The following CAPN8 variants were observed in gnomAD, a reference collection of about 807,000 sequenced individuals.
The protein encoded by CAPN8 is calpain-8.
CAPN8 carries 87 observed loss-of-function variants against 80.9 expected under a neutral mutation model. That is an observed-to-expected ratio of 1.07 (90% CI 0.90 to 1.28). The LOEUF (loss-of-function observed/expected upper bound fraction) is 1.28, where lower values mean the gene tolerates loss of function less well. Among genes scored for constraint, CAPN8 ranks in the 50% most tolerant of loss-of-function variants. The probability of loss-of-function intolerance (pLI) is 0.00; values close to 1 mark genes in which losing one functional copy is unlikely to be tolerated. For missense variants in CAPN8, 757 were observed against 702.0 expected, an observed-to-expected ratio of 1.08 and a Z score of -0.89; for synonymous variants, 299 against 273.8, an observed-to-expected ratio of 1.09 and a Z score of -0.91.
At chr1:223,618,130 C>T in intron 9 of CAPN8, 1 of 1,217,936 alleles carries the variant, frequency 8.2e-7, no homozygotes, top group East Asian at 2.5e-5. Flanking sequence ...ATCAACAGAT[C>T]AACAGCAAAC....
At chr1:223,610,103 A>T (rs1202891675) in intron 11 of CAPN8, among the ~76,000 whole-genome samples, 1 of 152,330 alleles carries the variant, frequency 6.6e-6, no homozygotes, top group African/African-American at 2.4e-5. Context: ...TATTGCTGTA[A>T]TTAAGCCTCC....
chr1:223,621,679 C>T (rs1657396934), intron 7 of CAPN8, among the ~76,000 whole-genome samples: 1 of 152,012 alleles, frequency 6.6e-6, no homozygotes, highest in Non-Finnish European at 1.5e-5. Flanking sequence ...AGTTACTGCC[C>T]CTCTGCGTGG....
At chr1:223,544,735 T>G in intron 18 of CAPN8, 37 bp downstream of exon 18, 1 of 1,551,034 alleles carries the variant, frequency 6.4e-7, no homozygotes. Flanking sequence ...TGTGCACACC[T>G]GGATCCCAAG....
At chr1:223,653,248 C>A (rs923714172) in intron 2 of CAPN8, among the ~76,000 whole-genome samples, 1 of 151,302 alleles carries the variant, frequency 6.6e-6, no homozygotes, top group African/African-American at 2.4e-5. Flanking sequence ...GGTGCGGCAC[C>A]CCGAATCGTT....
At chr1:223,646,669 G>A (rs1658202764) in intron 2 of CAPN8, among the ~76,000 whole-genome samples, 1 of 152,188 alleles carries the variant, frequency 6.6e-6, no homozygotes, top group Non-Finnish European at 1.5e-5. Flanking sequence ...ACTAATGGCT[G>A]AGGCGGGACA....
rs182699599 is a variant in CAPN8 at position 223,616,179 on chromosome 1, G to A, written c.1136-34C>T. The A allele has an allele frequency of 2.0e-4, 300 of 1,531,570 alleles. 8 individuals carry two copies. Among genetic ancestry groups the A allele is most frequent in the East Asian group, 1.9e-3 (78 of 40,568 alleles). The allele number at this position is 1,531,570 out of a possible 1,614,324, so 94.9% of individuals were successfully genotyped here. A position where few individuals can be genotyped will look rare whatever the true frequency, so the allele number is the denominator to read the frequency against. ...CACCCAGGTGATGGTGGTTCCCCAC[G>A]TAGCGGGTGAGGAGATGAAGAAGAA... On this transcript the variant is annotated intron_variant, in intron 9 of 20. Transcript: ENST00000366872.
At chr1:223,618,401 C>A in intron 9 of CAPN8, 1 of 1,361,396 alleles carries the variant, frequency 7.3e-7, no homozygotes, top group South Asian at 1.3e-5. Flanking sequence ...CCACCAGGGT[C>A]TGAGTCCCCA....
At chr1:223,554,617 T>A (rs1656865488) in intron 13 of CAPN8, among the ~76,000 whole-genome samples, 1 of 152,152 alleles carries the variant, frequency 6.6e-6, no homozygotes, top group South Asian at 2.1e-4. Context: ...TTAGCTTTCA[T>A]CAGATTCACG....
At position 223,616,020 on chromosome 1, in the gene CAPN8, G is replaced by C; in HGVS notation, c.1261C>G (p.Arg421Gly). ...AGCATGCCTTGTCCTATCCGCTTCC[G>C]CCACCTGCGATTTTTCTGCATCAGG... ...LGLMQKNRRW[R>G]KRIGQGMLSI... is the part of the protein sequence containing the mutation. The change falls in exon 10 of 21, where the codon CGG becomes GGG. Residue 421 changes from arginine (R) to glycine (G), a missense_variant. Transcript: ENST00000366872. 1 of 1,552,266 alleles carries C rather than the reference G, an allele frequency of 6.4e-7. No homozygotes were observed. Among genetic ancestry groups the C allele is most frequent in the Non-Finnish European group, 8.7e-7 (1 of 1,147,126 alleles).
intron 2 of CAPN8, among the ~76,000 whole-genome samples, chr1:223,645,417 C>G (rs572021875): frequency 6.6e-6 from 1 of 152,118 alleles, no homozygotes; most frequent in Admixed American, 6.5e-5. Context: ...AGTTGACACT[C>G]GGTATTAACC....
Position 223,626,983 on chromosome 1 carries a change from C to G in CAPN8, c.729+6G>C, listed in dbSNP as rs756814312. On this transcript the variant is annotated splice_donor_region_variant and intron_variant, in intron 5 of 20. Coordinates refer to ENST00000366872, the MANE Select transcript of CAPN8 (RefSeq NM_001143962.2). ...GGTGGGGCAGTAGAGAAGCCATATGCCTCACATCAATGGAGCAGCCCAGCA... is the reference window on the plus strand; with the variant it reads ...GGTGGGGCAGTAGAGAAGCCATATGGCTCACATCAATGGAGCAGCCCAGCA... The G allele has an allele frequency of 1.0e-5, 16 of 1,550,432 alleles. No homozygotes were observed. Among genetic ancestry groups the G allele is most frequent in the Non-Finnish European group, 1.4e-5 (16 of 1,146,038 alleles).
At chr1:223,546,011 T>C (rs1340507459) in intron 16 of CAPN8, among the ~76,000 whole-genome samples, 1 of 149,414 alleles carries the variant, frequency 6.7e-6, no homozygotes, top group Non-Finnish European at 1.5e-5. Flanking sequence ...TTTTTTTTTT[T>C]TTAGTAGAGA....
At chr1:223,542,694 T>C (rs1418390107) in intron 20 of CAPN8, among the ~76,000 whole-genome samples, 1 of 152,188 alleles carries the variant, frequency 6.6e-6, no homozygotes, top group Non-Finnish European at 1.5e-5. Flanking sequence ...ATGTGACTTG[T>C]ACACAGTAAA....
chr1:223,626,566 G>A lies in CAPN8; in HGVS notation c.729+423C>T, dbSNP rs1034555710. 3.9e-5 allele frequency among the ~76,000 whole-genome samples: 6 copies of A among 152,130 alleles called. 1 individual carries two copies. Among genetic ancestry groups the A allele is most frequent in the Admixed American group, 1.3e-4 (2 of 15,262 alleles). ...AGCCTCCTGTCCAGCCACAGCCTCT[G>A]GTTTCAGAACTTGTCTTTTCTTCAG... On this transcript the variant is annotated intron_variant, in intron 5 of 20. Transcript: ENST00000366872.
chr1:223,553,272 A>C (rs1156267615), intron 14 of CAPN8, among the ~76,000 whole-genome samples: 2 of 152,132 alleles, frequency 1.3e-5, no homozygotes, highest in African/African-American at 2.4e-5. Context: ...GGGGAGAAGG[A>C]TCAGGGGTCG....
chr1:223,640,692 A>G (rs34159375), intron 2 of CAPN8, among the ~76,000 whole-genome samples: 58,548 of 152,024 alleles, frequency 0.39, 12,492 homozygotes, highest in Non-Finnish European at 0.49. Flanking sequence ...CACTCCCAGT[A>G]AGACTATAAA....
intron 4 of CAPN8, 144 bp from the exon 5 acceptor site, chr1:223,627,301 G>A: frequency 4.5e-6 from 4 of 884,138 alleles, no homozygotes; most frequent in Non-Finnish European, 5.1e-6. Context: ...GGCCAGGAAG[G>A]TGCTTAGGCC....
chr1:223,649,951 C>T (rs1044411735), intron 2 of CAPN8, among the ~76,000 whole-genome samples: 1 of 152,168 alleles, frequency 6.6e-6, no homozygotes, highest in African/African-American at 2.4e-5. Context: ...CAAGTGTCAA[C>T]TCTCTATCCA....
At chr1:223,625,223 C>T (rs1045864486) in intron 6 of CAPN8, among the ~76,000 whole-genome samples, 2 of 152,220 alleles carry the variant, frequency 1.3e-5, no homozygotes, top group African/African-American at 4.8e-5. Flanking sequence ...GGGACTACTG[C>T]CCCTTTTCCT....
Sources: allele counts gnomAD v4.1 joint callset (sites outside exome capture counted in the v4.1 genomes callset), GRCh38; gene constraint gnomAD v4.1.1; transcripts MANE v1.5; gene names NCBI Gene and HGNC (gene_info 2026-07-23, HGNC 2026-07-21).